ULK4: variants seen among roughly 807,000 people sequenced by gnomAD.
The protein encoded by ULK4 is unc-51 like kinase 4.
In ULK4, 133 loss-of-function variants were observed where a neutral mutation model predicts 160.6. The ratio of observed to expected loss-of-function variants is 0.83; its 90% CI spans 0.72 to 0.96. The LOEUF (loss-of-function observed/expected upper bound fraction) is 0.96, where lower values mean the gene tolerates loss of function less well. Among genes scored for constraint, ULK4 ranks in the 40% least tolerant of loss-of-function variants. The probability of loss-of-function intolerance (pLI) is 0.00; values close to 1 mark genes in which losing one functional copy is unlikely to be tolerated. For synonymous variants in ULK4, 534 were observed against 539.8 expected (o/e 0.99, Z 0.15); for missense variants, 1,580 against 1,499.5 (o/e 1.05, Z -0.89).
rs1387493261 is a variant in ULK4 at position 41,637,294 on chromosome 3, T to C, written c.3072-21577A>G. Among the ~76,000 whole-genome samples, 3 of 152,184 alleles carry C rather than the reference T, an allele frequency of 2.0e-5. No homozygotes were observed. In the South Asian group the frequency reaches 6.2e-4, roughly 32 times the overall value. Reference sequence around the variant, plus strand: ...CACATATAAGTGAGATGATGCAGTATTTGTCTTTTTGTGCCTCATTTATTT... The same window carrying C: ...CACATATAAGTGAGATGATGCAGTACTTGTCTTTTTGTGCCTCATTTATTT... On this transcript the variant is annotated intron_variant, in intron 30 of 36. Transcript: ENST00000301831.
At chr3:41,907,788 T>C in intron 12 of ULK4, 57 bp downstream of exon 12, 8 of 1,135,092 alleles carry the variant, frequency 7.0e-6, no homozygotes, top group Non-Finnish European at 9.8e-6. Flanking sequence ...CAACTTACAA[T>C]TATTCTTGTG....
rs2084556602 is a variant in ULK4, at chr3:41,486,873, T to C, written c.3227-23620A>G. 2.1e-5 allele frequency among the ~76,000 whole-genome samples: 3 copies of C among 145,830 alleles called. No individual in the cohort carries two copies. In the Admixed American group the frequency reaches 2.1e-4, roughly 10 times the overall value. ...AAGCATATCCATTAAAGTCAGGAAATAAGGATGCCTACTCTCCCAATTTTG... is the reference window on the plus strand; with the variant it reads ...AAGCATATCCATTAAAGTCAGGAAACAAGGATGCCTACTCTCCCAATTTTG... On this transcript the variant is annotated intron_variant, in intron 32 of 36. Transcript: ENST00000301831.
chr3:41,775,040 G>A (rs1394444079), intron 21 of ULK4, among the ~76,000 whole-genome samples: 1 of 145,692 alleles, frequency 6.9e-6, no homozygotes, highest in Non-Finnish European at 1.5e-5. Context: ...CATGGACACA[G>A]GAAGGGGAAC....
chr3:41,670,126 T>C (rs1003876954), intron 29 of ULK4, among the ~76,000 whole-genome samples: 14 of 152,200 alleles, frequency 9.2e-5, no homozygotes, highest in African/African-American at 3.4e-4. Context: ...AACATGGATC[T>C]GAGGCTTGAA....
chr3:41,577,171 T>A (rs908287394), intron 31 of ULK4, among the ~76,000 whole-genome samples: 1 of 152,086 alleles, frequency 6.6e-6, no homozygotes, highest in African/African-American at 2.4e-5. Flanking sequence ...TTTTAAAGAA[T>A]GTAAAAGCAC....
chr3:41,692,811 T>A (rs938226727), intron 27 of ULK4, among the ~76,000 whole-genome samples: 5 of 152,226 alleles, frequency 3.3e-5, no homozygotes, highest in African/African-American at 1.2e-4. Context: ...TTCCTAAGTC[T>A]GGTGACTTTT....
At chr3:41,838,163 T>C (rs1056649476) in intron 17 of ULK4, among the ~76,000 whole-genome samples, 1 of 151,948 alleles carries the variant, frequency 6.6e-6, no homozygotes, top group African/African-American at 2.4e-5. Context: ...AGAAAGAAAA[T>C]GACGAAAGAA....
intron 34 of ULK4, among the ~76,000 whole-genome samples, chr3:41,439,738 C>A (rs570722336): frequency 6.6e-6 from 1 of 152,218 alleles, no homozygotes; most frequent in East Asian, 1.9e-4. Context: ...AATTTTAAAG[C>A]TAGTTGATCA....
At chr3:41,589,430 CAAAA>C (rs34913730) in intron 31 of ULK4, among the ~76,000 whole-genome samples, 1,284 of 72,094 alleles carry the variant, frequency 0.018, 17 homozygotes, top group African/African-American at 0.064. Flanking sequence ...AAGGCCAGGC[CAAAA>C]AAAAAAAAAA....
chr3:41,625,981 A>C (rs2033487355), intron 30 of ULK4, among the ~76,000 whole-genome samples: 1 of 152,210 alleles, frequency 6.6e-6, no homozygotes, highest in Admixed American at 6.5e-5. Context: ...GTAAACTAAA[A>C]TATACTGCAC....
At chr3:41,752,510 G>A (rs1239323869) in intron 22 of ULK4, among the ~76,000 whole-genome samples, 1 of 152,052 alleles carries the variant, frequency 6.6e-6, no homozygotes, top group Non-Finnish European at 1.5e-5. Flanking sequence ...AAACAAGGAG[G>A]TTTGTTAGGA....
At chr3:41,713,046 C>A (rs1470828288) in intron 25 of ULK4, among the ~76,000 whole-genome samples, 1 of 151,028 alleles carries the variant, frequency 6.6e-6, no homozygotes, top group Non-Finnish European at 1.5e-5. Context: ...GGCTACAGAA[C>A]GTTCATAACT....
chr3:41,498,544 A>G (rs1038484619), intron 32 of ULK4, among the ~76,000 whole-genome samples: 23 of 151,690 alleles, frequency 1.5e-4, no homozygotes, highest in African/African-American at 5.1e-4. Context: ...AACAGAAAAC[A>G]GACAAACATT....
At chr3:41,685,076 T>A (rs559515040) in intron 27 of ULK4, among the ~76,000 whole-genome samples, 1 of 152,354 alleles carries the variant, frequency 6.6e-6, no homozygotes, top group Non-Finnish European at 1.5e-5. Flanking sequence ...AATAGTACTT[T>A]CTGGTTTTAT....
chr3:41,941,356 C>T (rs1480672529), intron 2 of ULK4, among the ~76,000 whole-genome samples: 1 of 66,266 alleles, frequency 1.5e-5, no homozygotes, highest in African/African-American at 4.2e-5. Flanking sequence ...AAAAAAAAAA[C>T]CTTTTTTTTT....
At chr3:41,718,781 T>C (rs1413328909) in intron 22 of ULK4, among the ~76,000 whole-genome samples, 1 of 152,226 alleles carries the variant, frequency 6.6e-6, no homozygotes, top group African/African-American at 2.4e-5. Context: ...ATAATATACA[T>C]ATATACATAA....
chr3:41,453,127 C>T (rs33916626), intron 34 of ULK4, among the ~76,000 whole-genome samples: 14,352 of 152,148 alleles, frequency 0.094, 784 homozygotes, highest in Admixed American at 0.15. Context: ...TAGAATCTAG[C>T]TCATTGTCAG....
intron 31 of ULK4, among the ~76,000 whole-genome samples, chr3:41,591,633 C>T (rs142078493): frequency 5.8e-4 from 88 of 152,294 alleles, no homozygotes; most frequent in African/African-American, 1.9e-3. Flanking sequence ...TCTCCTAAGG[C>T]AGTTAATATG....
intron 19 of ULK4, among the ~76,000 whole-genome samples, chr3:41,814,441 A>T (rs2040906006): frequency 6.6e-6 from 1 of 152,192 alleles, no homozygotes; most frequent in African/African-American, 2.4e-5. Flanking sequence ...ATGGCTCAGT[A>T]CGTATATACT....
Sources: gnomAD v4.1 joint callset for allele counts (sites outside exome capture counted in the v4.1 genomes callset) on GRCh38, gnomAD v4.1.1 for gene constraint, MANE v1.5 for transcripts, NCBI Gene and HGNC (gene_info 2026-07-23, HGNC 2026-07-21) for gene names.